The following DAAM1 variants were observed in gnomAD, a reference collection of about 807,000 sequenced individuals.
The protein encoded by DAAM1 is disheveled-associated activator of morphogenesis 1.
DAAM1 carries 52 observed loss-of-function variants against 130.0 expected under a neutral mutation model. That is an observed-to-expected ratio of 0.40 (90% CI 0.32 to 0.50). DAAM1 has a LOEUF of 0.50. Ranked by LOEUF, DAAM1 falls within the 20% of genes least tolerant of loss-of-function variation. DAAM1 has a pLI of 0.61. For synonymous variants in DAAM1, 452 were observed against 444.5 expected (o/e 1.02, Z -0.21); for missense variants, 1,134 against 1,303.8 (o/e 0.87, Z 2.01).
chr14:59,363,603 G>A, intron 22 of DAAM1, 48 bp from the exon 23 acceptor site: 1 of 1,611,356 alleles, frequency 6.2e-7, no homozygotes, highest in Non-Finnish European at 8.5e-7. Flanking sequence ...TGTGTCTCAT[G>A]TCTGTATTTG....
intron 1 of DAAM1, among the ~76,000 whole-genome samples, chr14:59,230,486 A>G (rs1889072535): frequency 6.6e-6 from 1 of 152,190 alleles, no homozygotes; most frequent in Non-Finnish European, 1.5e-5. Context: ...ATGTAAATAT[A>G]AAAAGCATTA....
At chr14:59,257,880 C>T (rs911892147) in intron 1 of DAAM1, among the ~76,000 whole-genome samples, 15 of 152,160 alleles carry the variant, frequency 9.9e-5, no homozygotes, top group Non-Finnish European at 1.8e-4. Context: ...TCTTCCCCAA[C>T]ACTTTGCAGG....
rs569678020 is a variant in DAAM1, at chr14:59,275,785, TAGTC to T, written c.183+12128_183+12131del. Reference sequence around the variant, plus strand: ...GTAAGAAACTAGAAATTATTTCTATTAGTCAGCCTTTGCTTGTGGTGTTTCTCAC... The same window carrying T: ...GTAAGAAACTAGAAATTATTTCTATTAGCCTTTGCTTGTGGTGTTTCTCAC... On this transcript the variant is annotated intron_variant, in intron 2 of 24. Transcript: ENST00000360909. 3.7e-3 allele frequency among the ~76,000 whole-genome samples: 557 copies of T among 152,348 alleles called. 5 individuals carry two copies. Among genetic ancestry groups the T allele is most frequent in the African/African-American group, 0.012 (488 of 41,580 alleles).
intron 1 of DAAM1, among the ~76,000 whole-genome samples, chr14:59,235,197 G>A (rs972701243): frequency 3.0e-4 from 46 of 152,092 alleles, no homozygotes; most frequent in African/African-American, 1.1e-3. Flanking sequence ...TGAGTTGTTT[G>A]GAATAGTTTC....
At chr14:59,367,039 A>G (rs958297449) in intron 23 of DAAM1, among the ~76,000 whole-genome samples, 1 of 152,110 alleles carries the variant, frequency 6.6e-6, no homozygotes, top group African/African-American at 2.4e-5. Flanking sequence ...CTGTAATCCC[A>G]GCACTTTGGG....
intron 3 of DAAM1, among the ~76,000 whole-genome samples, chr14:59,304,171 A>G (rs547999214): frequency 9.2e-5 from 14 of 152,300 alleles, no homozygotes; most frequent in African/African-American, 3.1e-4. Context: ...CCAACTCCAG[A>G]AGATAGGATT....
chr14:59,322,858 G>T (rs369988349), intron 5 of DAAM1, 34 bp from the exon 6 acceptor site: 62 of 1,545,084 alleles, frequency 4.0e-5, no homozygotes, highest in Non-Finnish European at 5.1e-5. Context: ...AAACCCAAAG[G>T]CACTTAAGCA....
Position 59,334,774 on chromosome 14 carries a change from T to C in DAAM1, c.1968+2854T>C, listed in dbSNP as rs534953773. ...GAGGAATCATTAAAATGAGAACTTA[T>C]ATTGTCTGCTTTGTATACAAAGTAC... On this transcript the variant is annotated intron_variant, in intron 15 of 24. Transcript: ENST00000360909. 3.9e-5 allele frequency among the ~76,000 whole-genome samples: 6 copies of C among 152,330 alleles called. No individual in the cohort carries two copies. The East Asian group carries it at 9.6e-4, about 24-fold the overall frequency.
chr14:59,362,278 T>A (rs1028299510), intron 22 of DAAM1: 2 of 152,056 alleles, frequency 1.3e-5, no homozygotes, highest in African/African-American at 4.8e-5. Flanking sequence ...GCATCACACT[T>A]TTTATAGGAG....
intron 1 of DAAM1, among the ~76,000 whole-genome samples, chr14:59,238,905 A>G (rs997625234): frequency 1.1e-4 from 16 of 152,310 alleles, no homozygotes; most frequent in African/African-American, 3.8e-4. Flanking sequence ...GAAGGAGCCT[A>G]AGGCTACCCT....
chr14:59,365,201 T>G (rs1886871052), intron 23 of DAAM1, among the ~76,000 whole-genome samples: 1 of 152,202 alleles, frequency 6.6e-6, no homozygotes, highest in Admixed American at 6.5e-5. Flanking sequence ...GGGGTGGAAC[T>G]TTAATCTGGG....
chr14:59,360,416 C>T (rs901496983), intron 21 of DAAM1, among the ~76,000 whole-genome samples: 1 of 152,176 alleles, frequency 6.6e-6, no homozygotes, highest in East Asian at 1.9e-4. Flanking sequence ...ACAATGTGAA[C>T]ATGATTGCAG....
chr14:59,195,620 C>G (rs1887864886), intron 1 of DAAM1, among the ~76,000 whole-genome samples: 1 of 152,106 alleles, frequency 6.6e-6, no homozygotes, highest in South Asian at 2.1e-4. Flanking sequence ...AAAATACCTG[C>G]AGTGTGATTG....
chr14:59,298,598 G>T (rs1370888197), intron 3 of DAAM1, among the ~76,000 whole-genome samples: 1 of 151,908 alleles, frequency 6.6e-6, no homozygotes, highest in Non-Finnish European at 1.5e-5. Context: ...CCTTTTTATT[G>T]CAAAAAAGTC....
intron 23 of DAAM1, among the ~76,000 whole-genome samples, chr14:59,365,666 A>AGAATCTAACAATATAACAAAG (rs1485480965): frequency 6.6e-6 from 1 of 152,194 alleles, no homozygotes; most frequent in African/African-American, 2.4e-5. Flanking sequence ...AGATATCAGA[A>AGAATCTAACAATATAACAAAG]GAATCTAACA....
In DAAM1 at chr14:59,229,854, A is replaced by G. The variant is rs190105093; in HGVS notation, c.-37-33587A>G. ...GTGGTTTCCATCCTGATAGGTGGCC[A>G]TGGCTATTTTCCTGTCTATAAATAA... On this transcript the variant is annotated intron_variant, in intron 1 of 24. Transcript: ENST00000360909. Among the ~76,000 whole-genome samples the G allele has an allele frequency of 2.1e-3, 320 of 152,328 alleles. 1 individual carries two copies. In the Middle Eastern group the frequency reaches 0.027, roughly 13 times the overall value.
At chr14:59,363,609 A>AT in intron 22 of DAAM1, 42 bp from the exon 23 acceptor site, 11 of 1,612,748 alleles carry the variant, frequency 6.8e-6, no homozygotes, top group Middle Eastern at 1.7e-4. Flanking sequence ...TCATGTCTGT[A>AT]TTTGAAGCCT....
At chr14:59,215,334 T>C (rs1474883483) in intron 1 of DAAM1, among the ~76,000 whole-genome samples, 1 of 152,250 alleles carries the variant, frequency 6.6e-6, no homozygotes, top group African/African-American at 2.4e-5. Context: ...CATGGGAACA[T>C]GTGCTTGGTG....
intron 1 of DAAM1, among the ~76,000 whole-genome samples, chr14:59,203,313 T>C (rs1286363707): frequency 6.6e-5 from 10 of 152,036 alleles, no homozygotes. Flanking sequence ...TTGGAGATGA[T>C]GAAGATGTTC....
Sources: gnomAD v4.1 joint callset for allele counts (sites outside exome capture counted in the v4.1 genomes callset) on GRCh38, gnomAD v4.1.1 for gene constraint, MANE v1.5 for transcripts, NCBI Gene and HGNC (gene_info 2026-07-23, HGNC 2026-07-21) for gene names.